Variants in TOP1 observed in about 807,000 individuals in gnomAD.
TOP1 encodes the protein DNA topoisomerase 1.
A neutral mutation model predicts 111.1 loss-of-function variants in TOP1; 10 were observed. That is an observed-to-expected ratio of 0.09 (90% CI 0.06 to 0.15). TOP1 has a LOEUF of 0.15. TOP1 is among the 10% of genes least tolerant of loss of function. The pLI, the probability that TOP1 is intolerant of heterozygous loss-of-function variation, is 1.00. For missense variants in TOP1, 474 were observed against 926.7 expected, an observed-to-expected ratio of 0.51 and a Z score of 6.34; for synonymous variants, 271 against 302.9, an observed-to-expected ratio of 0.89 and a Z score of 1.10.
chr20:41,120,897 A>C (rs2034412059), intron 18 of TOP1, among the ~76,000 whole-genome samples: 1 of 151,862 alleles, frequency 6.6e-6, no homozygotes, highest in Non-Finnish European at 1.5e-5. Flanking sequence ...ACCCACCACC[A>C]CGCCTGGCTA....
At position 41,079,079 on chromosome 20, in the gene TOP1, A is replaced by AG. The variant is rs1349929229; in HGVS notation, c.336-1003dup. Among the ~76,000 whole-genome samples the AG allele has an allele frequency of 6.6e-6, 1 of 152,212 alleles. No homozygotes were observed. Among genetic ancestry groups the AG allele is most frequent in the African/African-American group, 2.4e-5 (1 of 41,440 alleles). ...CAGCTGTAGAAGCTGGCATTTGGTT[A>AG]GGGTGCTAAAATAAGTTCTTTAAAC... On this transcript the variant is annotated intron_variant, in intron 5 of 20. Coordinates refer to ENST00000361337, the MANE Select transcript of TOP1 (RefSeq NM_003286.4). The surrounding 1 kb of genome is among the most constrained non-coding windows in gnomAD (Gnocchi z 4.0).
In TOP1 at chr20:41,058,958, C is replaced by T. The variant is rs1416138468; in HGVS notation, c.59-2436C>T. Among the ~76,000 whole-genome samples, 2 of 151,964 alleles carry T rather than the reference C, an allele frequency of 1.3e-5. No individual in the cohort carries two copies. The highest frequency in any genetic ancestry group is 1.5e-5 in the Non-Finnish European group (1 of 67,996). ...GACTGGATTAAAAAAAAGAATGTGG[C>T]GCATGTACACCACGGAATACTGTGC... On this transcript the variant is annotated intron_variant, in intron 2 of 20. Transcript: ENST00000361337. This position sits in a 1 kb window ranked among gnomAD's most constrained non-coding sequence, Gnocchi z 4.2.
At position 41,121,214 on chromosome 20, in the gene TOP1, C is replaced by T. The variant is rs1484071552; in HGVS notation, c.1951-482C>T. 6.6e-6 allele frequency among the ~76,000 whole-genome samples: 1 copy of T among 152,162 alleles called. No individual in the cohort carries two copies. Among genetic ancestry groups the T allele is most frequent in the Admixed American group, 6.5e-5 (1 of 15,270 alleles). On this transcript the variant is annotated intron_variant, in intron 18 of 20. Coordinates refer to ENST00000361337, the MANE Select transcript of TOP1 (RefSeq NM_003286.4). The surrounding 1 kb of genome is among the most constrained non-coding windows in gnomAD (Gnocchi z 4.2). ...CCTTGAGAAGCTGGCACCGCCTTCCCAGAGTACTGGTGGGATCTGAGGAAC... is the reference window on the plus strand; with the variant it reads ...CCTTGAGAAGCTGGCACCGCCTTCCTAGAGTACTGGTGGGATCTGAGGAAC...
In TOP1 at chr20:41,032,692, T is replaced by C. The variant is rs1451512636; in HGVS notation, c.58+3237T>C. On this transcript the variant is annotated intron_variant, in intron 2 of 20. Coordinates refer to ENST00000361337, the MANE Select transcript of TOP1 (RefSeq NM_003286.4). The surrounding 1 kb of genome is among the most constrained non-coding windows in gnomAD (Gnocchi z 4.3). ...TATATAGGATCATGGTTTGACATCA[T>C]CTTGTGCTGATTCTGGTTGGCTTAA... is the stretch of plus-strand genomic sequence containing the variant. Among the ~76,000 whole-genome samples the C allele has an allele frequency of 6.6e-6, 1 of 152,226 alleles. No individual in the cohort carries two copies. The highest frequency in any genetic ancestry group is 1.9e-4 in the East Asian group (1 of 5,196).
In TOP1 at chr20:41,122,173, C is replaced by G. The variant is rs1343843936; in HGVS notation, c.2195+18C>G. 8.7e-6 allele frequency: 14 copies of G among 1,612,810 alleles called. No homozygotes were observed. Among genetic ancestry groups the G allele is most frequent in the Middle Eastern group, 3.3e-4 (2 of 6,064 alleles). ...GTGGCTTGGTAAGTGTTGAGCCCTC[C>G]TTGAGCTCCTGCTGCTAGCTTAAGA... is the stretch of plus-strand genomic sequence containing the variant. On this transcript the variant is annotated intron_variant, in intron 20 of 20. Coordinates refer to ENST00000361337, the MANE Select transcript of TOP1 (RefSeq NM_003286.4). The surrounding 1 kb of genome is among the most constrained non-coding windows in gnomAD (Gnocchi z 5.4).
At chr20:41,086,226 G>A (rs532122787) in intron 8 of TOP1, among the ~76,000 whole-genome samples, 43 of 149,366 alleles carry the variant, frequency 2.9e-4, no homozygotes, top group Middle Eastern at 6.9e-3. Context: ...TCACGCCACC[G>A]CACTCCAGCC....
At chr20:41,105,170 A>G (rs917949579) in intron 13 of TOP1, among the ~76,000 whole-genome samples, 1 of 152,032 alleles carries the variant, frequency 6.6e-6, no homozygotes, top group Non-Finnish European at 1.5e-5. Context: ...TATTTTTTGT[A>G]TTTTTGCAGT....
intron 2 of TOP1, among the ~76,000 whole-genome samples, chr20:41,035,149 C>G (rs2033168985): frequency 6.6e-6 from 1 of 152,204 alleles, no homozygotes; most frequent in Non-Finnish European, 1.5e-5. Context: ...ACCTCAGCCT[C>G]TCAAAGTGCT....
chr20:41,079,247 G>A lies in TOP1; in HGVS notation c.336-838G>A, dbSNP rs1360791174. On this transcript the variant is annotated intron_variant, in intron 5 of 20. Transcript: ENST00000361337. This position sits in a 1 kb window ranked among gnomAD's most constrained non-coding sequence, Gnocchi z 4.0. ...CACAGGGGGCAGCTGCATGTAAGGAGGCCATTTCTTGTACTAAGTTAAGGC... is the reference window on the plus strand; with the variant it reads ...CACAGGGGGCAGCTGCATGTAAGGAAGCCATTTCTTGTACTAAGTTAAGGC... 3.9e-5 allele frequency among the ~76,000 whole-genome samples: 6 copies of A among 152,172 alleles called. No homozygotes were observed. The highest frequency in any genetic ancestry group is 8.8e-5 in the Non-Finnish European group (6 of 68,020).
Position 41,071,041 on chromosome 20 carries a change from T to C in TOP1, c.156-5130T>C, listed in dbSNP as rs1287770848. 5.3e-5 allele frequency among the ~76,000 whole-genome samples: 8 copies of C among 152,198 alleles called. No individual in the cohort carries two copies. The highest frequency in any genetic ancestry group is 1.2e-4 in the Non-Finnish European group (8 of 68,028). On this transcript the variant is annotated intron_variant, in intron 3 of 20. Transcript: ENST00000361337. The surrounding 1 kb of genome is among the most constrained non-coding windows in gnomAD (Gnocchi z 4.3). ...CTCAAGTATCTGTTAAATACTTTTA[T>C]GGGGGATAGAGGACAGATTTAAATG...
chr20:41,038,867 A>G (rs1305353929), intron 2 of TOP1, among the ~76,000 whole-genome samples: 2 of 152,104 alleles, frequency 1.3e-5, no homozygotes, highest in Non-Finnish European at 1.5e-5. Context: ...GCATGCCTGT[A>G]GTCCCAGCTA....
intron 18 of TOP1, among the ~76,000 whole-genome samples, chr20:41,120,431 A>G (rs940600912): frequency 1.3e-5 from 2 of 152,238 alleles, no homozygotes. Flanking sequence ...TTTACTCCGT[A>G]GAGGTTGTCT....
chr20:41,111,025 C>G (rs535609681), intron 13 of TOP1, among the ~76,000 whole-genome samples: 1 of 152,176 alleles, frequency 6.6e-6, no homozygotes. Context: ...CTGTGAATGA[C>G]GTGCGGGTTG....
At chr20:41,117,079 G>A (rs944091828) in intron 17 of TOP1, among the ~76,000 whole-genome samples, 1 of 152,138 alleles carries the variant, frequency 6.6e-6, no homozygotes, top group Non-Finnish European at 1.5e-5. Context: ...CAGGCCATGT[G>A]CAGTGGCTCA....
rs909641309 is a variant in TOP1, at chr20:41,071,625, A to G, written c.156-4546A>G. Among the ~76,000 whole-genome samples the G allele has an allele frequency of 2.0e-5, 3 of 152,214 alleles. No homozygotes were observed. Among genetic ancestry groups the G allele is most frequent in the Non-Finnish European group, 2.9e-5 (2 of 68,044 alleles). On this transcript the variant is annotated intron_variant, in intron 3 of 20. Transcript: ENST00000361337. The surrounding 1 kb of genome is among the most constrained non-coding windows in gnomAD (Gnocchi z 4.3). Reference sequence around the variant, plus strand: ...CTCCTGAAGTGCTAGGATTACAGGCATGAGCCACCACGCCCAGCCAGATTA... The same window carrying G: ...CTCCTGAAGTGCTAGGATTACAGGCGTGAGCCACCACGCCCAGCCAGATTA...
At position 41,116,244 on chromosome 20, in the gene TOP1, C is replaced by A; in HGVS notation, c.1708-34C>A. The A allele has an allele frequency of 6.8e-7, 1 of 1,476,938 alleles. No homozygotes were observed. The highest frequency in any genetic ancestry group is 9.5e-7 in the Non-Finnish European group (1 of 1,057,400). 91.5% of individuals were successfully genotyped at this position (1,476,938 alleles called of 1,614,324 possible). A position where few individuals can be genotyped will look rare whatever the true frequency, so the allele number is the denominator to read the frequency against. On this transcript the variant is annotated intron_variant, in intron 16 of 20. Transcript: ENST00000361337. The surrounding 1 kb of genome is among the most constrained non-coding windows in gnomAD (Gnocchi z 5.6). ...CTGCCAGAAGGAGCAGGTAGTATAG[C>A]TTTGACCTAAATCTGTTGCTTTGTC...
At chr20:41,050,177 C>T (rs1459345261) in intron 2 of TOP1, among the ~76,000 whole-genome samples, 8 of 152,102 alleles carry the variant, frequency 5.3e-5, no homozygotes, top group Admixed American at 2.6e-4. Context: ...TCACCATGCC[C>T]GGCTAATTTT....
rs1034058315 is a variant in TOP1, at chr20:41,109,774, C to T, written c.1309-3008C>T. Among the ~76,000 whole-genome samples the T allele has an allele frequency of 6.6e-6, 1 of 152,144 alleles. No individual in the cohort carries two copies. Among genetic ancestry groups the T allele is most frequent in the African/African-American group, 2.4e-5 (1 of 41,422 alleles). On this transcript the variant is annotated intron_variant, in intron 13 of 20. Transcript: ENST00000361337. This position sits in a 1 kb window ranked among gnomAD's most constrained non-coding sequence, Gnocchi z 4.1. ...ATTTAACCACAGGGAGATACGAATTCCAGTTCTAGGTATTTTTACCTCAAG... is the reference window on the plus strand; with the variant it reads ...ATTTAACCACAGGGAGATACGAATTTCAGTTCTAGGTATTTTTACCTCAAG...
Position 41,069,658 on chromosome 20 carries a change from C to T in TOP1, c.156-6513C>T, listed in dbSNP as rs1382554946. Among the ~76,000 whole-genome samples, 9 of 152,196 alleles carry T rather than the reference C, an allele frequency of 5.9e-5. No homozygotes were observed. The highest frequency in any genetic ancestry group is 2.0e-4 in the Admixed American group (3 of 15,292). The stretch of plus-strand genomic sequence containing the variant: ...TAATGATGGTGATGATGATAATTAC[C>T]GCAAAGCCTAGTATAATATCATGCA... On this transcript the variant is annotated intron_variant, in intron 3 of 20. Coordinates refer to ENST00000361337, the MANE Select transcript of TOP1 (RefSeq NM_003286.4). The surrounding 1 kb of genome is among the most constrained non-coding windows in gnomAD (Gnocchi z 4.1).
Sources: gnomAD v4.1 joint callset for allele counts (sites outside exome capture counted in the v4.1 genomes callset) on GRCh38, gnomAD v4.1.1 for gene constraint, Gnocchi (gnomAD v3.1) non-coding constraint, MANE v1.5 for transcripts, NCBI Gene and HGNC (gene_info 2026-07-23, HGNC 2026-07-21) for gene names.